Variants in HCN4 observed in about 807,000 individuals in gnomAD.
The protein encoded by HCN4 is hyperpolarization activated cyclic nucleotide gated potassium channel 4.
HCN4 carries 29 observed loss-of-function variants against 76.9 expected under a neutral mutation model. The observed-to-expected ratio is 0.38, with a 90% confidence interval of 0.28 to 0.51. HCN4 has a LOEUF of 0.51. HCN4 is among the 20% of genes least tolerant of loss of function. The pLI is 0.90. For missense variants in HCN4, 1,416 were observed against 1,715.2 expected, an observed-to-expected ratio of 0.83 and a Z score of 3.08; for synonymous variants, 772 against 762.5, an observed-to-expected ratio of 1.01 and a Z score of -0.21.
In HCN4 at chr15:73,351,223, G is replaced by A. The variant is rs78821840; in HGVS notation, c.786-7415C>T. On this transcript the variant is annotated intron_variant, in intron 1 of 7. Transcript: ENST00000261917. Reference sequence around the variant, plus strand: ...CCCTTGAACGGCCTCCTTTCCCTCGGCATGACCTTTCCATGTTTTTGCTCC... The same window carrying A: ...CCCTTGAACGGCCTCCTTTCCCTCGACATGACCTTTCCATGTTTTTGCTCC... 5.1e-3 allele frequency among the ~76,000 whole-genome samples: 768 copies of A among 151,934 alleles called. 5 individuals are homozygous for A. The highest frequency in any genetic ancestry group is 0.017 in the African/African-American group (700 of 41,392).
At chr15:73,339,787 G>A (rs1200952249) in intron 2 of HCN4, among the ~76,000 whole-genome samples, 2 of 152,194 alleles carry the variant, frequency 1.3e-5, no homozygotes, top group African/African-American at 4.8e-5. Context: ...CCAAGCAGAG[G>A]TGGGAGAAGC....
chr15:73,367,430 G>A lies in HCN4; in HGVS notation c.785+56C>T, dbSNP rs2043133358. 5.0e-6 allele frequency: 8 copies of A among 1,610,250 alleles called. No individual in the cohort carries two copies. Among genetic ancestry groups the A allele is most frequent in the Non-Finnish European group, 5.9e-6 (7 of 1,179,178 alleles). On this transcript the variant is annotated intron_variant, in intron 1 of 7. Coordinates refer to ENST00000261917, the MANE Select transcript of HCN4 (RefSeq NM_005477.3). This position sits in a 1 kb window ranked among gnomAD's most constrained non-coding sequence, Gnocchi z 7.5. ...TCCGGCTGGGAGGCAGGGTCAGGAG[G>A]AGGCATGCCTGCCACCGCGCAGGGC... is the stretch of plus-strand genomic sequence containing the variant.
intron 3 of HCN4, among the ~76,000 whole-genome samples, 177 bp from the exon 4 acceptor site, chr15:73,329,968 G>A (rs945153130): frequency 6.6e-6 from 1 of 152,234 alleles, no homozygotes; most frequent in Non-Finnish European, 1.5e-5. Context: ...TGCTGCCAGC[G>A]AGTCCTCCTC....
In HCN4 at chr15:73,328,786, G is replaced by C. The variant is rs2042915099; in HGVS notation, c.1590+787C>G. On this transcript the variant is annotated intron_variant, in intron 4 of 7. Transcript: ENST00000261917. This position sits in a 1 kb window ranked among gnomAD's most constrained non-coding sequence, Gnocchi z 4.0. ...AGACCCCAGGGAGAGATGAAGCTGGGGACGGGGGAAGGTGGTTGGGATGCA... is the reference window on the plus strand; with the variant it reads ...AGACCCCAGGGAGAGATGAAGCTGGCGACGGGGGAAGGTGGTTGGGATGCA... Among the ~76,000 whole-genome samples the C allele has an allele frequency of 6.6e-6, 1 of 152,184 alleles. No individual in the cohort carries two copies. Among genetic ancestry groups the C allele is most frequent in the Non-Finnish European group, 1.5e-5 (1 of 68,022 alleles).
chr15:73,341,885 A>C (rs1430659540), intron 2 of HCN4, among the ~76,000 whole-genome samples: 1 of 152,230 alleles, frequency 6.6e-6, no homozygotes, highest in Non-Finnish European at 1.5e-5. Context: ...AGGTGCTGCC[A>C]GTCGAGGCCC....
intron 1 of HCN4, among the ~76,000 whole-genome samples, chr15:73,350,994 G>A (rs1400625206): frequency 1.3e-5 from 2 of 152,068 alleles, no homozygotes; most frequent in Non-Finnish European, 2.9e-5. Context: ...GCCGAGAAGC[G>A]ATGCTGCTCT....
chr15:73,340,407 G>A (rs1390026750), intron 2 of HCN4, among the ~76,000 whole-genome samples: 1 of 152,158 alleles, frequency 6.6e-6, no homozygotes, highest in Non-Finnish European at 1.5e-5. Context: ...CAGTCTAGCT[G>A]TGGGTCCAAG....
Position 73,324,120 on chromosome 15 carries a change from C to T in HCN4, c.2112G>A (p.Glu704=), listed in dbSNP as rs746156652. Residue 704 remains glutamate (E), a synonymous_variant, in exon 7 of 8, where the codon GAG becomes GAA. Transcript: ENST00000261917. ...EEYPMMRRAF[E]TVALDRLDRI... The stretch of plus-strand genomic sequence containing the variant: ...GGTCCAGGCGGTCCAGCGCCACGGT[C>T]TCGAAGGCCCTTCGCATCATGGGGT... 2.0e-5 allele frequency: 33 copies of T among 1,613,592 alleles called. No individual in the cohort carries two copies. The highest frequency in any genetic ancestry group is 2.6e-5 in the Non-Finnish European group (31 of 1,179,990).
At position 73,367,966 on chromosome 15, in the gene HCN4, G is replaced by A. The variant is rs1595837529; in HGVS notation, c.305C>T (p.Ser102Leu). ...GCTGCCGCCGCCCCGGCTGCCCAGC[G>A]AGGCCAGGCTCCCGCGGAAGCGCCT... is the stretch of plus-strand genomic sequence containing the variant. Reference protein sequence around the residue: ...DCRRFRGSLASLGSRGGGSGG... With the variant: ...DCRRFRGSLALLGSRGGGSGG... The change falls in exon 1 of 8, where the codon TCG becomes TTG. Residue 102 changes from serine (S) to leucine (L), a missense_variant. Physicochemically the swap from Ser to Leu is moderately radical, Grantham distance 145. Transcript: ENST00000261917. The surrounding 1 kb of genome is among the most constrained non-coding windows in gnomAD (Gnocchi z 7.5). 2.2e-6 allele frequency: 3 copies of A among 1,347,754 alleles called. No homozygotes were observed. Among genetic ancestry groups the A allele is most frequent in the African/African-American group, 1.5e-5 (1 of 66,218 alleles). 83.5% of individuals were successfully genotyped at this position (1,347,754 alleles called of 1,614,324 possible).
At chr15:73,351,740 C>G (rs1358725451) in intron 1 of HCN4, among the ~76,000 whole-genome samples, 1 of 152,210 alleles carries the variant, frequency 6.6e-6, no homozygotes, top group Non-Finnish European at 1.5e-5. Flanking sequence ...CTGCGCTTCC[C>G]ATCACCTCTT....
At chr15:73,327,910 C>A (rs1213335801) in intron 4 of HCN4, among the ~76,000 whole-genome samples, 3 of 152,208 alleles carry the variant, frequency 2.0e-5, no homozygotes, top group African/African-American at 7.2e-5. Flanking sequence ...GTGGCCCCCA[C>A]CTGTCAGTCA....
In HCN4 at chr15:73,368,199, C is replaced by G. The variant is rs1479330429; in HGVS notation, c.72G>C (p.Trp24Cys). ...SLPQQVGAKA[W>C]IMDEEEDAEE... ...CGGCGTCCTCTTCCTCGTCCATGAT[C>G]CACGCCTTGGCCCCCACCTGCTGCG... is the stretch of plus-strand genomic sequence containing the variant. The change falls in exon 1 of 8, where the codon TGG (tryptophan) becomes TGC (cysteine). Residue 24 changes from tryptophan to cysteine, a missense_variant. Trp to Cys is a radical substitution (Grantham distance 215, BLOSUM62 -2). This residue lies in a region of HCN4 where 355 missense variants were observed against 347.8 expected (regional missense o/e 1.02). Coordinates refer to ENST00000261917, the MANE Select transcript of HCN4 (RefSeq NM_005477.3). The surrounding 1 kb of genome is among the most constrained non-coding windows in gnomAD (Gnocchi z 6.9). 6.5e-7 allele frequency: 1 copy of G among 1,534,094 alleles called. No individual in the cohort carries two copies. The highest frequency in any genetic ancestry group is 1.2e-5 in the South Asian group (1 of 82,644).
In HCN4 at chr15:73,368,142, G is replaced by C; in HGVS notation, c.129C>G (p.Pro43=). The stretch of plus-strand genomic sequence containing the variant: ...GCCGCAGCCGGATGCTCCTGCGGCT[G>C]GGGTCTTGGCGGCCCCCGGCCCCCT... ...EEEGAGGRQD[P]SRRSIRLRPL... is the part of the protein sequence containing the mutation. Residue 43 remains proline (P), a synonymous_variant, in exon 1 of 8, where the codon CCC becomes CCG. Transcript: ENST00000261917. This position sits in a 1 kb window ranked among gnomAD's most constrained non-coding sequence, Gnocchi z 6.9. 6.6e-7 allele frequency: 1 copy of C among 1,519,968 alleles called. No individual in the cohort carries two copies. The highest frequency in any genetic ancestry group is 8.8e-7 in the Non-Finnish European group (1 of 1,135,574). The allele number at this position is 1,519,968 out of a possible 1,614,324, so 94.2% of individuals were successfully genotyped here.
chr15:73,346,921 G>A (rs1001311917), intron 1 of HCN4, among the ~76,000 whole-genome samples: 4 of 152,142 alleles, frequency 2.6e-5, no homozygotes, highest in Non-Finnish European at 5.9e-5. Flanking sequence ...CACGGACAGC[G>A]CCCAGCACAC....
rs748634893 is a variant in HCN4 at position 73,323,065 on chromosome 15, C to A, written c.3028G>T (p.Ala1010Ser). The change falls in exon 8 of 8, where the codon GCC (alanine) becomes TCC (serine). Residue 1010 changes from alanine (A) to serine (S), a missense_variant. Physicochemically the swap from Ala to Ser is moderately conservative, Grantham distance 99 (BLOSUM62 1). This residue lies in a region of HCN4 where 633 missense variants were observed against 579.8 expected (regional missense o/e 1.09). Transcript: ENST00000261917. ...CCTACAGGGGAAGCCCCCCCAGAGG[C>A]CCCTGCCACAAGGGACGGCGGCTCA... Reference protein sequence around the residue: ...QPEPPSLVAGASGGASPVGFT... With the variant: ...QPEPPSLVAGSSGGASPVGFT... 13 of 1,547,268 alleles carry A rather than the reference C, an allele frequency of 8.4e-6. No homozygotes were observed. In the Admixed American group the frequency reaches 2.4e-4, roughly 29 times the overall value.
intron 1 of HCN4, among the ~76,000 whole-genome samples, chr15:73,345,945 T>C (rs187654286): frequency 1.1e-4 from 17 of 152,302 alleles, no homozygotes; most frequent in African/African-American, 4.1e-4. Flanking sequence ...TCCCCAGCTC[T>C]AGTTCCCTCA....
Position 73,325,259 on chromosome 15 carries a change from G to A in HCN4, c.1737+39C>T. The A allele has an allele frequency of 6.2e-7, 1 of 1,614,060 alleles. No homozygotes were observed. The highest frequency in any genetic ancestry group is 8.5e-7 in the Non-Finnish European group (1 of 1,179,948). On this transcript the variant is annotated intron_variant, in intron 5 of 7. Transcript: ENST00000261917. The surrounding 1 kb of genome is among the most constrained non-coding windows in gnomAD (Gnocchi z 7.4). Reference sequence around the variant, plus strand: ...GTGAGGGGAGCTGGCTGCCAGGAAGGCCTGGCTCCCCTCCACGCCGGGCCG... The same window carrying A: ...GTGAGGGGAGCTGGCTGCCAGGAAGACCTGGCTCCCCTCCACGCCGGGCCG...
At chr15:73,360,657 G>A (rs915556320) in intron 1 of HCN4, among the ~76,000 whole-genome samples, 4 of 152,094 alleles carry the variant, frequency 2.6e-5, no homozygotes, top group African/African-American at 9.7e-5. Flanking sequence ...TTCCTCGTCG[G>A]AGGCTTATCT....
At position 73,323,649 on chromosome 15, in the gene HCN4, C is replaced by A. The variant is rs918010761; in HGVS notation, c.2444G>T (p.Gly815Val). 1.9e-6 allele frequency: 3 copies of A among 1,595,754 alleles called. No homozygotes were observed. The highest frequency in any genetic ancestry group is 2.2e-5 in the East Asian group (1 of 44,726). Residue 815 changes from glycine (G) to valine (V), a missense_variant, in exon 8 of 8, where the codon GGC (glycine) becomes GTC (valine). Gly to Val is a moderately radical substitution (Grantham distance 109, BLOSUM62 -3). This residue lies in a region of HCN4 where 633 missense variants were observed against 579.8 expected (regional missense o/e 1.09). Coordinates refer to ENST00000261917, the MANE Select transcript of HCN4 (RefSeq NM_005477.3). ...IFRPPPGSGL[G>V]NLGAGQTPRH... ...TGGCGTCTGCCCGGCACCGAGGTTG[C>A]CCAGCCCAGATCCTGGGGGAGGGCG...
Sources: gnomAD v4.1 joint callset for allele counts (sites outside exome capture counted in the v4.1 genomes callset) on GRCh38, gnomAD v4.1.1 for gene constraint, gnomAD v4.1.1 regional missense constraint, Gnocchi (gnomAD v3.1) non-coding constraint, MANE v1.5 for transcripts, NCBI Gene and HGNC (gene_info 2026-07-23, HGNC 2026-07-21) for gene names.